Variants in DNAAF11 observed in about 807,000 individuals in gnomAD.
The protein encoded by DNAAF11 is leucine rich repeat containing 6.
Under a neutral mutation model 60.8 loss-of-function variants are expected in DNAAF11, and 45 were observed. The ratio of observed to expected loss-of-function variants is 0.74; its 90% confidence interval spans 0.58 to 0.95. DNAAF11 has a LOEUF of 0.95. Ranked by LOEUF, DNAAF11 falls within the 40% of genes least tolerant of loss-of-function variation. The pLI, the probability that DNAAF11 is intolerant of heterozygous loss-of-function variation, is 0.00. For synonymous variants in DNAAF11, 191 were observed against 183.5 expected, an observed-to-expected ratio of 1.04 and a Z score of -0.33; for missense variants, 546 against 546.2, an observed-to-expected ratio of 1.00 and a Z score of 0.00.
At chr8:132,648,189 G>A (rs759284477) in intron 3 of DNAAF11, among the ~76,000 whole-genome samples, 5 of 152,202 alleles carry the variant, frequency 3.3e-5, no homozygotes, top group Non-Finnish European at 4.4e-5. Flanking sequence ...TCCCTGGGAT[G>A]CAAGGCTGGT....
intron 1 of DNAAF11, among the ~76,000 whole-genome samples, chr8:132,662,547 C>A (rs556533087): frequency 6.6e-6 from 1 of 152,318 alleles, no homozygotes; most frequent in Non-Finnish European, 1.5e-5. Flanking sequence ...TAAAGACTCA[C>A]TGTCACTTAC....
the DNAAF11 span, among the ~76,000 whole-genome samples, chr8:132,697,420 C>T: frequency 2.0e-5 from 3 of 152,062 alleles, no homozygotes; most frequent in African/African-American, 2.4e-5. Context: ...GAGTTTGAGA[C>T]CAGCCTAGCC....
intron 5 of DNAAF11, among the ~76,000 whole-genome samples, chr8:132,629,151 TAAAGG>T (rs1204014904): frequency 2.6e-5 from 4 of 152,118 alleles, no homozygotes; most frequent in African/African-American, 4.8e-5. Context: ...CTCCATAGAT[TAAAGG>T]AAAGCATTTA....
intron 7 of DNAAF11, among the ~76,000 whole-genome samples, chr8:132,621,269 G>A (rs900250980): frequency 7.9e-5 from 12 of 152,208 alleles, no homozygotes; most frequent in African/African-American, 2.7e-4. Flanking sequence ...AACGGTGGAA[G>A]CTTCAGGCTT....
At chr8:132,581,655 C>T (rs1218067321) in intron 11 of DNAAF11, among the ~76,000 whole-genome samples, 1 of 115,334 alleles carries the variant, frequency 8.7e-6, no homozygotes, top group Admixed American at 8.9e-5. Context: ...GAGCGAGACT[C>T]TGCCTCAAAA....
At chr8:132,590,736 C>T (rs541724142) in intron 10 of DNAAF11, among the ~76,000 whole-genome samples, 2 of 152,300 alleles carry the variant, frequency 1.3e-5, no homozygotes, top group South Asian at 4.1e-4. Flanking sequence ...GTTTTGAAAA[C>T]AGTCCTAGCT....
the DNAAF11 span, among the ~76,000 whole-genome samples, chr8:132,692,082 G>A: frequency 6.6e-6 from 1 of 152,098 alleles, no homozygotes; most frequent in African/African-American, 2.4e-5. Context: ...AGTAGTAGGG[G>A]GCTGGGTGAG....
At chr8:132,688,753 G>A in the DNAAF11 span, among the ~76,000 whole-genome samples, 2 of 152,170 alleles carry the variant, frequency 1.3e-5, no homozygotes, top group Admixed American at 1.3e-4. Flanking sequence ...GGATCAAGCT[G>A]TACCTGAAAG....
intron 1 of DNAAF11, among the ~76,000 whole-genome samples, chr8:132,674,013 A>C (rs985177940): frequency 6.7e-6 from 1 of 148,626 alleles, no homozygotes; most frequent in Non-Finnish European, 1.5e-5. Flanking sequence ...GGAGAAGGAG[A>C]AGGAGGAGAA....
chr8:132,639,867 A>G (rs1478953767), intron 3 of DNAAF11, among the ~76,000 whole-genome samples: 1 of 152,214 alleles, frequency 6.6e-6, no homozygotes, highest in Admixed American at 6.5e-5. Context: ...AAAAAAAAAA[A>G]ATCATGGTCC....
At chr8:132,669,647 C>G (rs1484282158) in intron 1 of DNAAF11, among the ~76,000 whole-genome samples, 1 of 152,050 alleles carries the variant, frequency 6.6e-6, no homozygotes, top group Non-Finnish European at 1.5e-5. Context: ...AAGCTGAGGG[C>G]TAGGACCAGT....
the DNAAF11 span, among the ~76,000 whole-genome samples, chr8:132,684,322 C>T: frequency 6.6e-6 from 1 of 152,312 alleles, no homozygotes; most frequent in Non-Finnish European, 1.5e-5. Flanking sequence ...ATAGAGTCCA[C>T]ATTACTCTCC....
At chr8:132,614,152 G>A (rs1039164683) in intron 8 of DNAAF11, among the ~76,000 whole-genome samples, 3 of 152,210 alleles carry the variant, frequency 2.0e-5, no homozygotes, top group Admixed American at 6.5e-5. Context: ...TAGAAAGAGT[G>A]GAAGGAAGTG....
chr8:132,665,363 G>C (rs1824531809), intron 1 of DNAAF11, among the ~76,000 whole-genome samples: 1 of 152,082 alleles, frequency 6.6e-6, no homozygotes, highest in Admixed American at 6.5e-5. Flanking sequence ...CATTCTTTAA[G>C]TCCAAGGAGC....
chr8:132,640,093 T>C (rs1304226939), intron 3 of DNAAF11, among the ~76,000 whole-genome samples: 1 of 152,194 alleles, frequency 6.6e-6, no homozygotes, highest in Non-Finnish European at 1.5e-5. Context: ...TATTAGCAAG[T>C]CTAATAGACC....
At chr8:132,584,546 T>C (rs1815680167) in intron 10 of DNAAF11, among the ~76,000 whole-genome samples, 1 of 152,166 alleles carries the variant, frequency 6.6e-6, no homozygotes, top group Non-Finnish European at 1.5e-5. Context: ...GAGACAGGGA[T>C]TGCTAGCAGG....
At chr8:132,619,677 C>A (rs186332494) in intron 7 of DNAAF11, among the ~76,000 whole-genome samples, 2 of 152,126 alleles carry the variant, frequency 1.3e-5, no homozygotes, top group Admixed American at 6.5e-5. Flanking sequence ...AAAAGAGCTG[C>A]GGCTGGAAGG....
intron 10 of DNAAF11, among the ~76,000 whole-genome samples, chr8:132,591,411 G>A (rs1364519751): frequency 1.3e-5 from 2 of 151,334 alleles, no homozygotes; most frequent in African/African-American, 2.4e-5. Flanking sequence ...AAATAAATAA[G>A]CCATAAAATT....
At chr8:132,640,011 C>G (rs1821702808) in intron 3 of DNAAF11, among the ~76,000 whole-genome samples, 1 of 152,148 alleles carries the variant, frequency 6.6e-6, no homozygotes, top group Non-Finnish European at 1.5e-5. Flanking sequence ...TACCCTAAAC[C>G]TATATTCATT....
Sources: gnomAD v4.1 joint callset for allele counts (sites outside exome capture counted in the v4.1 genomes callset) on GRCh38, gnomAD v4.1.1 for gene constraint, MANE v1.5 for transcripts, NCBI Gene and HGNC (gene_info 2026-07-23, HGNC 2026-07-21) for gene names.